Variants in PCDHA10 observed in about 807,000 individuals in gnomAD.
The protein encoded by PCDHA10 is protocadherin alpha-10.
Under a neutral mutation model 61.2 loss-of-function variants are expected in PCDHA10, and 45 were observed. The ratio of observed to expected loss-of-function variants is 0.74; its 90% confidence interval spans 0.58 to 0.94. The LOEUF (loss-of-function observed/expected upper bound fraction) is 0.94, where lower values mean the gene tolerates loss of function less well. Among genes scored for constraint, PCDHA10 ranks in the 40% least tolerant of loss-of-function variants. PCDHA10 has a pLI of 0.00. For synonymous variants in PCDHA10, 602 were observed against 548.8 expected, an observed-to-expected ratio of 1.10 and a Z score of -1.35; for missense variants, 1,278 against 1,236.2, an observed-to-expected ratio of 1.03 and a Z score of -0.51.
intron 1 of PCDHA10, among the ~76,000 whole-genome samples, chr5:140,905,939 T>A (rs1583575409): frequency 6.6e-6 from 1 of 152,288 alleles, no homozygotes; most frequent in African/African-American, 2.4e-5. Context: ...GCTGAAGAAC[T>A]TGGAATCCGA....
At chr5:140,956,147 C>T (rs150480657) in intron 1 of PCDHA10, among the ~76,000 whole-genome samples, 5,358 of 152,186 alleles carry the variant, frequency 0.035, 121 homozygotes, top group Non-Finnish European at 0.052. Context: ...ATTTCTTTCT[C>T]TTTCCTAATT....
intron 3 of PCDHA10, 40 bp downstream of exon 3, chr5:140,982,603 G>A: frequency 6.2e-7 from 1 of 1,607,892 alleles, no homozygotes; most frequent in East Asian, 2.2e-5. Context: ...TTGGTTTCTG[G>A]AAAGTGATCA....
chr5:140,929,279 T>C (rs368682683), intron 1 of PCDHA10: 1 of 1,603,874 alleles, frequency 6.2e-7, no homozygotes, highest in Non-Finnish European at 8.5e-7. Context: ...ATATCCTGTA[T>C]TCAGATTCGG....
intron 1 of PCDHA10, among the ~76,000 whole-genome samples, chr5:140,958,710 A>G (rs1446140877): frequency 1.3e-5 from 2 of 152,210 alleles, no homozygotes; most frequent in Non-Finnish European, 2.9e-5. Flanking sequence ...CAACTCTGTT[A>G]TAATAAATGT....
At chr5:140,989,174 G>T (rs1305141291) in intron 3 of PCDHA10, among the ~76,000 whole-genome samples, 3 of 152,132 alleles carry the variant, frequency 2.0e-5, no homozygotes, top group Non-Finnish European at 4.4e-5. Flanking sequence ...TAAAACAGGA[G>T]AGTTTCTGAA....
rs2096830713 is a variant in PCDHA10 at position 140,978,969 on chromosome 5, C to G, written c.2409C>G (p.Asp803Glu). 4 of 1,614,092 alleles carry G rather than the reference C, an allele frequency of 2.5e-6. No homozygotes were observed. The highest frequency in any genetic ancestry group is 1.6e-4 in the Middle Eastern group (1 of 6,084). ...TGCAGCCACGACAGCCCAACCCTGACTGGCGTTACTCTGCCTCCCTGAGAG... is the reference window on the plus strand; with the variant it reads ...TGCAGCCACGACAGCCCAACCCTGAGTGGCGTTACTCTGCCTCCCTGAGAG... ...HSRKPRQPNP[D>E]WRYSASLRAG... The change falls in exon 2 of 4, where the codon GAC becomes GAG. Residue 803 changes from aspartate (D) to glutamate (E), a missense_variant. Coordinates refer to ENST00000307360, the MANE Select transcript of PCDHA10 (RefSeq NM_018901.4).
Position 141,009,653 on chromosome 5 carries a change from C to T in PCDHA10, c.2563C>T (p.Pro855Ser). ...ACCAGAGGCAGGAGAAGTGTCCCCTCCAGTCGGTGCGGGTGTCAACAGCAA... is the reference window on the plus strand; with the variant it reads ...ACCAGAGGCAGGAGAAGTGTCCCCTTCAGTCGGTGCGGGTGTCAACAGCAA... The part of the protein sequence containing the change: ...PEPEAGEVSP[P>S]VGAGVNSNSW... The change falls in exon 4 of 4, where the codon CCA becomes TCA. Residue 855 changes from proline (P) to serine (S), a missense_variant. Physicochemically the swap from Pro to Ser is moderately conservative, Grantham distance 74. Transcript: ENST00000307360. 1 of 1,613,998 alleles carries T rather than the reference C, an allele frequency of 6.2e-7. No individual in the cohort carries two copies. The highest frequency in any genetic ancestry group is 8.5e-7 in the Non-Finnish European group (1 of 1,179,950).
Position 140,925,039 on chromosome 5 carries a change from A to C in PCDHA10, c.2389-53910A>C, listed in dbSNP as rs554229960. ...GATGGGAGGATCGCTTGAGCCCAGA[A>C]GTTTGAGACCAGACTGGGCAACAAA... On this transcript the variant is annotated intron_variant, in intron 1 of 3. Coordinates refer to ENST00000307360, the MANE Select transcript of PCDHA10 (RefSeq NM_018901.4). Among the ~76,000 whole-genome samples the C allele has an allele frequency of 1.1e-4, 16 of 152,028 alleles. 1 individual carries two copies. The highest frequency in any genetic ancestry group is 1.6e-4 in the Non-Finnish European group (11 of 67,960).
intron 1 of PCDHA10, among the ~76,000 whole-genome samples, chr5:140,948,369 TG>T (rs1209104577): frequency 7.9e-5 from 12 of 151,580 alleles, no homozygotes; most frequent in Non-Finnish European, 3.0e-5. Context: ...ACTTAGGAGG[TG>T]TTCCTTCCTC....
chr5:140,883,804 G>T (rs373228578), intron 1 of PCDHA10: 1 of 1,612,420 alleles, frequency 6.2e-7, no homozygotes, highest in African/African-American at 1.3e-5. Context: ...CGGTGCACGC[G>T]GAGAGCGGCA....
chr5:140,925,108 G>GGAAGGAAGGAAGGAAGGAA (rs1554202548), intron 1 of PCDHA10, among the ~76,000 whole-genome samples: 8 of 124,780 alleles, frequency 6.4e-5, no homozygotes, highest in South Asian at 4.6e-4. Context: ...GAAGGAAGGA[G>GGAAGGAAGGAAGGAAGGAA]GGAAGGAAGG....
At chr5:140,910,013 C>T (rs185824848) in intron 1 of PCDHA10, among the ~76,000 whole-genome samples, 4 of 152,256 alleles carry the variant, frequency 2.6e-5, no homozygotes, top group Non-Finnish European at 1.5e-5. Context: ...CAGTGTCATC[C>T]TTGTATCCCT....
chr5:140,993,786 C>G (rs2097581960), intron 3 of PCDHA10, among the ~76,000 whole-genome samples: 1 of 152,162 alleles, frequency 6.6e-6, no homozygotes, highest in Admixed American at 6.5e-5. Flanking sequence ...TGTACAGTAA[C>G]ATGCTGTGCA....
intron 1 of PCDHA10, chr5:140,862,283 C>T (rs565843609): frequency 1.5e-5 from 4 of 263,874 alleles, no homozygotes; most frequent in African/African-American, 8.7e-5. Flanking sequence ...ATTCCCTGTA[C>T]AGGAGGACGC....
At chr5:140,984,405 C>T (rs782109046) in intron 3 of PCDHA10, among the ~76,000 whole-genome samples, 1 of 152,114 alleles carries the variant, frequency 6.6e-6, no homozygotes, top group Non-Finnish European at 1.5e-5. Context: ...GAGAACCTAT[C>T]TTTTTTACAG....
At chr5:140,982,415 A>C (rs1291195577) in intron 2 of PCDHA10, 60 bp from the exon 3 acceptor site, 1 of 1,610,020 alleles carries the variant, frequency 6.2e-7, no homozygotes, top group African/African-American at 1.3e-5. Flanking sequence ...CTGAGGGTGG[A>C]AGAAGAGATG....
intron 1 of PCDHA10, among the ~76,000 whole-genome samples, chr5:140,900,090 A>G (rs1370301453): frequency 6.6e-6 from 1 of 152,152 alleles, no homozygotes; most frequent in Non-Finnish European, 1.5e-5. Context: ...AGTTACAAGC[A>G]TGCGCCACCA....
At chr5:140,910,116 A>C (rs1205054200) in intron 1 of PCDHA10, among the ~76,000 whole-genome samples, 1 of 152,222 alleles carries the variant, frequency 6.6e-6, no homozygotes, top group Non-Finnish European at 1.5e-5. Flanking sequence ...AAGGGATTCT[A>C]GGTCTGTAAA....
chr5:140,911,884 C>A (rs1283685498), intron 1 of PCDHA10, among the ~76,000 whole-genome samples: 1 of 152,050 alleles, frequency 6.6e-6, no homozygotes, highest in Non-Finnish European at 1.5e-5. Flanking sequence ...CTCCTGGGAC[C>A]AAAATCTGTA....
Sources: allele counts gnomAD v4.1 joint callset (sites outside exome capture counted in the v4.1 genomes callset), GRCh38; gene constraint gnomAD v4.1.1; transcripts MANE v1.5; gene names NCBI Gene and HGNC (gene_info 2026-07-23, HGNC 2026-07-21).